Variants in DDR2 observed in about 807,000 individuals in gnomAD.
DDR2 encodes the protein discoidin domain-containing receptor 2.
DDR2 carries 27 observed loss-of-function variants against 94.9 expected under a neutral mutation model. The observed-to-expected ratio is 0.28, with a 90% CI of 0.21 to 0.39. The LOEUF (loss-of-function observed/expected upper bound fraction) is 0.39, where lower values mean the gene tolerates loss of function less well. Ranked by LOEUF, DDR2 falls within the 10% of genes least tolerant of loss-of-function variation. The pLI, the probability that DDR2 is intolerant of heterozygous loss-of-function variation, is 1.00. For synonymous variants in DDR2, 382 were observed against 377.2 expected, an observed-to-expected ratio of 1.01 and a Z score of -0.15; for missense variants, 783 against 1,076.0, an observed-to-expected ratio of 0.73 and a Z score of 3.81.
At chr1:162,669,679 T>C (rs897465218) in intron 2 of DDR2, among the ~76,000 whole-genome samples, 1 of 152,246 alleles carries the variant, frequency 6.6e-6, no homozygotes, top group Non-Finnish European at 1.5e-5. Flanking sequence ...AGTGCTTATG[T>C]GCTAGACAGA....
intron 6 of DDR2, 107 bp from the exon 7 acceptor site, chr1:162,755,557 A>G: frequency 1.7e-6 from 2 of 1,159,748 alleles, no homozygotes; most frequent in South Asian, 2.5e-5. Flanking sequence ...GTCCAGATGG[A>G]GTCCTGCTGG....
intron 3 of DDR2, among the ~76,000 whole-genome samples, chr1:162,746,138 G>A (rs1662849954): frequency 6.6e-6 from 1 of 152,200 alleles, no homozygotes; most frequent in Admixed American, 6.5e-5. Flanking sequence ...AGTGGGTGCA[G>A]CCCACAGAGT....
At chr1:162,687,012 G>A (rs1421722934) in intron 2 of DDR2, among the ~76,000 whole-genome samples, 1 of 152,230 alleles carries the variant, frequency 6.6e-6, no homozygotes, top group East Asian at 1.9e-4. Flanking sequence ...ACAAGGTGAA[G>A]GTTTTGGTTG....
intron 2 of DDR2, among the ~76,000 whole-genome samples, chr1:162,679,045 C>CT (rs536038823): frequency 5.3e-4 from 77 of 145,192 alleles, no homozygotes; most frequent in African/African-American, 9.3e-4. Flanking sequence ...CTCACTAGCT[C>CT]TTTTTTTTTT....
At chr1:162,666,213 T>C (rs916697059) in intron 2 of DDR2, among the ~76,000 whole-genome samples, 2 of 152,102 alleles carry the variant, frequency 1.3e-5, no homozygotes, top group African/African-American at 4.8e-5. Context: ...TTTACTCTCC[T>C]CTCTCTCTCA....
chr1:162,653,950 C>T (rs1352978385), intron 1 of DDR2, among the ~76,000 whole-genome samples: 2 of 152,072 alleles, frequency 1.3e-5, no homozygotes, highest in Non-Finnish European at 2.9e-5. Flanking sequence ...AGAAATGGGC[C>T]ATTCAGCAGC....
chr1:162,695,074 C>CT (rs1660125712), intron 2 of DDR2, among the ~76,000 whole-genome samples: 2 of 151,974 alleles, frequency 1.3e-5, no homozygotes, highest in African/African-American at 4.8e-5. Flanking sequence ...GACTTAATTG[C>CT]TAAAAAAAAA....
At chr1:162,718,406 G>A (rs547025190) in intron 2 of DDR2, among the ~76,000 whole-genome samples, 5 of 152,156 alleles carry the variant, frequency 3.3e-5, no homozygotes, top group Admixed American at 6.5e-5. Context: ...TGGAACATAT[G>A]TGTGTATACT....
chr1:162,665,144 C>T (rs1398851061), intron 2 of DDR2, among the ~76,000 whole-genome samples: 1 of 152,186 alleles, frequency 6.6e-6, no homozygotes, highest in Non-Finnish European at 1.5e-5. Context: ...CTTCCTATTT[C>T]TTGTACATGT....
chr1:162,633,509 C>G (rs1656660172), intron 1 of DDR2, among the ~76,000 whole-genome samples: 2 of 152,200 alleles, frequency 1.3e-5, no homozygotes, highest in Non-Finnish European at 2.9e-5. Context: ...CTTCGCTCCA[C>G]AGATGTAAAA....
chr1:162,715,374 G>C (rs141216402), intron 2 of DDR2, among the ~76,000 whole-genome samples: 1 of 152,286 alleles, frequency 6.6e-6, no homozygotes, highest in East Asian at 1.9e-4. Context: ...AAGGGGATGA[G>C]AGAATATTTT....
chr1:162,719,567 T>C lies in DDR2; in HGVS notation c.82+422T>C, dbSNP rs1391357650. Among the ~76,000 whole-genome samples, 3 of 152,170 alleles carry C rather than the reference T, an allele frequency of 2.0e-5. No individual in the cohort carries two copies. The East Asian group carries it at 5.8e-4, about 29-fold the overall frequency. On this transcript the variant is annotated intron_variant, in intron 3 of 17. Transcript: ENST00000367921. ...ATGTCCTGTTATGCTTTTGGGATCC[T>C]GGTCCTGTGGGATCTCAGGCAGGTT...
intron 3 of DDR2, among the ~76,000 whole-genome samples, chr1:162,724,753 G>A (rs528012266): frequency 6.6e-6 from 1 of 152,162 alleles, no homozygotes; most frequent in Non-Finnish European, 1.5e-5. Context: ...TGTGATGTGT[G>A]TGTATGTGTG....
At chr1:162,635,562 C>T (rs1656774704) in intron 1 of DDR2, among the ~76,000 whole-genome samples, 1 of 152,212 alleles carries the variant, frequency 6.6e-6, no homozygotes, top group Admixed American at 6.5e-5. Flanking sequence ...ACACACTGGA[C>T]TCTTTATACC....
chr1:162,658,809 A>G (rs911132850), intron 2 of DDR2, among the ~76,000 whole-genome samples: 2 of 36,916 alleles, frequency 5.4e-5, no homozygotes, highest in African/African-American at 1.1e-4. Flanking sequence ...CCTGGGTGAC[A>G]GAATGAGACC....
At position 162,728,004 on chromosome 1, in the gene DDR2, A is replaced by C. The variant is rs148509926; in HGVS notation, c.82+8859A>C. On this transcript the variant is annotated intron_variant, in intron 3 of 17. Coordinates refer to ENST00000367921, the MANE Select transcript of DDR2 (RefSeq NM_006182.4). ...ATATAATCACACTATATATATCTAT[A>C]TATATATAGATATAATCACACTATA... 4.9e-3 allele frequency among the ~76,000 whole-genome samples: 667 copies of C among 135,276 alleles called. 4 individuals carry two copies. The highest frequency in any genetic ancestry group is 0.019 in the East Asian group (78 of 4,022). 88.7% of individuals were successfully genotyped at this position (135,276 alleles called of 152,430 possible). A position where few individuals can be genotyped will look rare whatever the true frequency, so the allele number is the denominator to read the frequency against.
intron 2 of DDR2, among the ~76,000 whole-genome samples, chr1:162,714,569 T>C (rs6695961): frequency 0.78 from 118,768 of 152,124 alleles, 48,119 homozygotes; most frequent in Non-Finnish European, 0.9. Context: ...GTTCATTCTC[T>C]TCAGTGTTCT....
chr1:162,751,377 C>T (rs1663185095), intron 3 of DDR2, among the ~76,000 whole-genome samples: 1 of 151,998 alleles, frequency 6.6e-6, no homozygotes, highest in Non-Finnish European at 1.5e-5. Flanking sequence ...ATTTATGCAG[C>T]CAACAGATAC....
chr1:162,703,318 A>G (rs1000000438), intron 2 of DDR2, among the ~76,000 whole-genome samples: 2 of 152,256 alleles, frequency 1.3e-5, no homozygotes, highest in South Asian at 2.1e-4. Flanking sequence ...TTTCCAGTTC[A>G]AGAGAATGTT....
Sources: gnomAD v4.1 joint callset for allele counts (sites outside exome capture counted in the v4.1 genomes callset) on GRCh38, gnomAD v4.1.1 for gene constraint, MANE v1.5 for transcripts, NCBI Gene and HGNC (gene_info 2026-07-23, HGNC 2026-07-21) for gene names.